Variants in FZD6 observed in about 807,000 individuals in gnomAD.
FZD6 encodes the protein frizzled class receptor 6, also known as frizzled-6.
FZD6 carries 49 observed loss-of-function variants against 61.4 expected under a neutral mutation model. That is an observed-to-expected ratio of 0.80 (90% CI 0.63 to 1.01). The LOEUF (loss-of-function observed/expected upper bound fraction) is 1.01. FZD6 is among the 50% of genes least tolerant of loss of function. FZD6 has a pLI of 0.00. For synonymous variants in FZD6, 265 were observed against 292.2 expected, an observed-to-expected ratio of 0.91 and a Z score of 0.95; for missense variants, 724 against 848.2, an observed-to-expected ratio of 0.85 and a Z score of 1.82.
At chr8:103,317,838 A>AAAAAG (rs1554622337) in intron 2 of FZD6, among the ~76,000 whole-genome samples, 5 of 76,016 alleles carry the variant, frequency 6.6e-5, no homozygotes, top group African/African-American at 2.9e-4. Flanking sequence ...AAAAAAAAAA[A>AAAAAG]AAAGAAAGAA....
At chr8:103,313,812 G>T (rs1814562217) in intron 2 of FZD6, among the ~76,000 whole-genome samples, 2 of 151,100 alleles carry the variant, frequency 1.3e-5, no homozygotes, top group Non-Finnish European at 3.0e-5. Flanking sequence ...GTCAGGGAAG[G>T]GGGGGGCCCT....
upstream of FZD6, chr8:103,298,586 C>A (rs1423164990): frequency 1.3e-5 from 2 of 152,174 alleles, no homozygotes; most frequent in African/African-American, 4.8e-5. Context: ...CCCCTCCGGA[C>A]CCGGATAGCG....
chr8:103,324,444 G>A (rs827550), intron 3 of FZD6, 37 bp from the exon 4 acceptor site: 516,069 of 1,117,350 alleles, frequency 0.46, 121,799 homozygotes, highest in African/African-American at 0.62. Context: ...CAATAAAAAT[G>A]TTGATTTCAT....
In FZD6 at chr8:103,324,805, A is replaced by G; in HGVS notation, c.699A>G (p.Pro233=). The part of the protein sequence containing the change: ...DVRRFRYPER[P]IIYYSVCYSI... ...GAAGATTCAGATACCCAGAGAGACC[A>G]ATTATATATTACTCTGTCTGTTACA... Residue 233 remains proline, a synonymous_variant, in exon 4 of 7, where the codon CCA becomes CCG. Transcript: ENST00000358755. 1.2e-6 allele frequency: 2 copies of G among 1,612,762 alleles called. No homozygotes were observed. Among genetic ancestry groups the G allele is most frequent in the Non-Finnish European group, 1.7e-6 (2 of 1,178,762 alleles).
chr8:103,324,393 T>C lies in FZD6; in HGVS notation c.375-88T>C, dbSNP rs542069217. 5 of 712,004 alleles carry C rather than the reference T, an allele frequency of 7.0e-6. No individual in the cohort carries two copies. The East Asian group carries it at 1.4e-4, about 19-fold the overall frequency. 44.1% of individuals were successfully genotyped at this position (712,004 alleles called of 1,614,324 possible). On this transcript the variant is annotated intron_variant, in intron 3 of 6. Coordinates refer to ENST00000358755, the MANE Select transcript of FZD6 (RefSeq NM_003506.4). ...TCCCATCAATCATGAATACATAAGG[T>C]AATATTTTATAGTTGGAAAGCATTG...
intron 2 of FZD6, among the ~76,000 whole-genome samples, chr8:103,312,097 G>A (rs1033143456): frequency 4.6e-5 from 7 of 152,070 alleles, no homozygotes; most frequent in Admixed American, 2.6e-4. Flanking sequence ...TGTTTTTCAC[G>A]ATAGAGATGT....
chr8:103,308,108 G>C (rs906557458), intron 2 of FZD6, among the ~76,000 whole-genome samples: 1 of 152,138 alleles, frequency 6.6e-6, no homozygotes, highest in African/African-American at 2.4e-5. Flanking sequence ...TATTGGATCT[G>C]GGCACTCTTC....
At chr8:103,327,011 A>ATAAAT (rs1814970826) in intron 4 of FZD6, among the ~76,000 whole-genome samples, 1 of 152,248 alleles carries the variant, frequency 6.6e-6, no homozygotes, top group Non-Finnish European at 1.5e-5. Context: ...CTGTGTGGTG[A>ATAAAT]AACAATAAAT....
chr8:103,331,823 C>T lies in FZD6; in HGVS notation c.*314C>T, dbSNP rs1815144697. 1 of 263,952 alleles carries T rather than the reference C, an allele frequency of 3.8e-6. No individual in the cohort carries two copies. Among genetic ancestry groups the T allele is most frequent in the South Asian group, 4.8e-5 (1 of 20,650 alleles). 16.4% of individuals were successfully genotyped at this position (263,952 alleles called of 1,614,324 possible). A position where few individuals can be genotyped will look rare whatever the true frequency, so the allele number is the denominator to read the frequency against. ...CTTGGTAAGAGTATTTTAAGATGTA[C>T]TATGCTATTTTACTTTTTTGATATA... is the stretch of plus-strand genomic sequence containing the variant. On this transcript the variant is annotated 3_prime_UTR_variant, in exon 7 of 7. Transcript: ENST00000358755.
intron 4 of FZD6, among the ~76,000 whole-genome samples, chr8:103,327,488 T>C (rs860410): frequency 0.93 from 140,949 of 152,122 alleles, 65,342 homozygotes; most frequent in East Asian, 1. Flanking sequence ...CCCAGCTACT[T>C]GGGAGGCTGA....
intron 2 of FZD6, among the ~76,000 whole-genome samples, chr8:103,314,357 C>CT (rs1814575153): frequency 6.6e-6 from 1 of 152,056 alleles, no homozygotes; most frequent in African/African-American, 2.4e-5. Context: ...AGGAACTAGG[C>CT]TTTTTTGGGA....
At chr8:103,305,067 A>G (rs761506565) in intron 2 of FZD6, among the ~76,000 whole-genome samples, 45 of 152,222 alleles carry the variant, frequency 3.0e-4, no homozygotes, top group Non-Finnish European at 3.4e-4. Flanking sequence ...TCCCAAGTGG[A>G]AAAACAAATG....
intron 2 of FZD6, among the ~76,000 whole-genome samples, chr8:103,307,550 G>A (rs1270273832): frequency 6.6e-6 from 1 of 152,060 alleles, no homozygotes; most frequent in African/African-American, 2.4e-5. Context: ...TTTTGACAAA[G>A]GCTTATTTTC....
At position 103,325,213 on chromosome 8, in the gene FZD6, C is replaced by G; in HGVS notation, c.1107C>G (p.Tyr369Ter). 6.2e-7 allele frequency: 1 copy of G among 1,614,202 alleles called. No homozygotes were observed. The highest frequency in any genetic ancestry group is 1.7e-5 in the Admixed American group (1 of 60,020). The change falls in exon 4 of 7, where the codon TAC becomes TAG. Residue 369 changes from tyrosine to a stop codon, truncating the protein, a stop_gained. Coordinates refer to ENST00000358755, the MANE Select transcript of FZD6 (RefSeq NM_003506.4). LOFTEE classifies it high-confidence loss of function. ...TTTATGACCTGGATGCTTCTCGCTA[C>G]TTTGTACTCTTGCCACTGTGCCTTT... ...VGLYDLDASR[Y>*]FVLLPLCLCV...
rs1477866575 is a variant in FZD6 at position 103,300,214 on chromosome 8, C to CCTACAA, written c.109_114dup (p.Tyr37_Asn38dup). The CCTACAA allele has an allele frequency of 6.2e-7, 1 of 1,609,792 alleles. No homozygotes were observed. The highest frequency in any genetic ancestry group is 8.5e-7 in the Non-Finnish European group (1 of 1,176,058). ...ACTGTTCCCAGATGTATGAAAATGG[C>CCTACAA]CTACAACATGACGTTTTTCCCTAAT... is the stretch of plus-strand genomic sequence containing the variant. On this transcript the variant is annotated inframe_insertion, in exon 2 of 7. Transcript: ENST00000358755.
intron 5 of FZD6, among the ~76,000 whole-genome samples, chr8:103,329,105 G>A (rs1328119107): frequency 6.8e-6 from 1 of 146,590 alleles, no homozygotes; most frequent in Non-Finnish European, 1.5e-5. Context: ...ACTCATTTCA[G>A]AACTGTAGAC....
In FZD6 at chr8:103,331,512, A is replaced by C. The variant is rs774893848; in HGVS notation, c.*3A>C. 2.5e-6 allele frequency: 4 copies of C among 1,601,868 alleles called. No individual in the cohort carries two copies. In the East Asian group the frequency reaches 6.7e-5, roughly 27 times the overall value. ...GTGGTTGTCATTCAGATACTTGAAGAACATTTTCTCTCGTTACTCAGAAGC... is the reference window on the plus strand; with the variant it reads ...GTGGTTGTCATTCAGATACTTGAAGCACATTTTCTCTCGTTACTCAGAAGC... On this transcript the variant is annotated 3_prime_UTR_variant, in exon 7 of 7. Transcript: ENST00000358755.
intron 3 of FZD6, among the ~76,000 whole-genome samples, chr8:103,323,204 G>A (rs1200191432): frequency 6.6e-6 from 1 of 152,102 alleles, no homozygotes; most frequent in Admixed American, 6.6e-5. Context: ...CGAATTTGTG[G>A]TAATGAATAC....
At chr8:103,310,384 C>T (rs1056158974) in intron 2 of FZD6, among the ~76,000 whole-genome samples, 1 of 152,142 alleles carries the variant, frequency 6.6e-6, no homozygotes, top group African/African-American at 2.4e-5. Context: ...AACCTCAGGC[C>T]TCAGCCCCGG....
Sources: gnomAD v4.1 joint callset for allele counts (sites outside exome capture counted in the v4.1 genomes callset) on GRCh38, gnomAD v4.1.1 for gene constraint, MANE v1.5 for transcripts, NCBI Gene and HGNC (gene_info 2026-07-23, HGNC 2026-07-21) for gene names.